The following MRC1 variants were observed in gnomAD, a reference collection of about 807,000 sequenced individuals.
MRC1 encodes macrophage mannose receptor 1.
MRC1 carries 62 observed loss-of-function variants against 102.9 expected under a neutral mutation model. The observed-to-expected ratio is 0.60, with a 90% CI of 0.49 to 0.74. The LOEUF (loss-of-function observed/expected upper bound fraction) is 0.74, where lower values mean the gene tolerates loss of function less well. Among genes scored for constraint, MRC1 ranks in the 30% least tolerant of loss-of-function variants. The pLI is 0.00. For synonymous variants in MRC1, 457 were observed against 298.4 expected (o/e 1.53, Z -5.48); for missense variants, 1,237 against 862.8 (o/e 1.43, Z -5.43).
chr10:17,889,205 A>G (rs1833641170), intron 22 of MRC1, among the ~76,000 whole-genome samples: 1 of 152,120 alleles, frequency 6.6e-6, no homozygotes, highest in South Asian at 2.1e-4. Context: ...GTCTTTGTCT[A>G]TTAATTTGTG....
At chr10:17,815,889 C>T (rs944105181) in intron 1 of MRC1, among the ~76,000 whole-genome samples, 1 of 151,746 alleles carries the variant, frequency 6.6e-6, no homozygotes, top group East Asian at 1.9e-4. Flanking sequence ...TGCAGTGGCA[C>T]GATCTTGGCT....
At chr10:17,856,681 ACCTTC>A (rs1833097829) in intron 9 of MRC1, among the ~76,000 whole-genome samples, 1 of 152,066 alleles carries the variant, frequency 6.6e-6, no homozygotes, top group Non-Finnish European at 1.5e-5. Flanking sequence ...GGTGTCATCC[ACCTTC>A]TATAGTAGAA....
chr10:17,833,648 C>T (rs782140324), intron 3 of MRC1, 27 bp from the exon 4 acceptor site: 1 of 780,866 alleles, frequency 1.3e-6, no homozygotes, highest in South Asian at 1.3e-5. Context: ...GCATAATGAA[C>T]CAAATTCCAT....
rs782441396 is a variant in MRC1, at chr10:17,863,694, G to C, written c.1783+12G>C. On this transcript the variant is annotated intron_variant, in intron 11 of 29. Coordinates refer to ENST00000569591, the MANE Select transcript of MRC1 (RefSeq NM_002438.4). The stretch of plus-strand genomic sequence containing the variant: ...TTCAGATATGCCAGGTACGGGCAGC[G>C]CTTAGGTTGAGGGTTGCTTTCACCC... 6 of 780,542 alleles carry C rather than the reference G, an allele frequency of 7.7e-6. No individual in the cohort carries two copies. Among genetic ancestry groups the C allele is most frequent in the Middle Eastern group, 2.3e-4 (1 of 4,434 alleles). 48.4% of individuals were successfully genotyped at this position (780,542 alleles called of 1,614,324 possible).
At chr10:17,828,116 T>G (rs889697604) in intron 3 of MRC1, among the ~76,000 whole-genome samples, 9 of 152,318 alleles carry the variant, frequency 5.9e-5, no homozygotes, top group Middle Eastern at 3.4e-3. Flanking sequence ...TCGCTGTGTC[T>G]CCCAGGCTGG....
At position 17,852,322 on chromosome 10, in the gene MRC1, A is replaced by C. The variant is rs971169450; in HGVS notation, c.1250-645A>C. ...TTCCTGGCATTTCATGATGAAAATG[A>C]TTACAGATTCATTTGTATATACAGC... On this transcript the variant is annotated intron_variant, in intron 7 of 29. Transcript: ENST00000569591. Among the ~76,000 whole-genome samples the C allele has an allele frequency of 5.1e-4, 78 of 152,300 alleles. No homozygotes were observed. In the South Asian group the frequency reaches 0.016, roughly 30 times the overall value.
Position 17,840,825 on chromosome 10 carries a change from G to C in MRC1, c.916+19G>C, listed in dbSNP as rs782069840. The C allele has an allele frequency of 1.3e-6, 1 of 780,818 alleles. No homozygotes were observed. The highest frequency in any genetic ancestry group is 1.7e-5 in the African/African-American group (1 of 59,262). 48.4% of individuals were successfully genotyped at this position (780,818 alleles called of 1,614,324 possible). A position where few individuals can be genotyped will look rare whatever the true frequency, so the allele number is the denominator to read the frequency against. ...TTACCAGGTAGGGTTAAGCCTGTTTGTGTCGAATTAATCCAAATTTAAGTC... is the reference window on the plus strand; with the variant it reads ...TTACCAGGTAGGGTTAAGCCTGTTTCTGTCGAATTAATCCAAATTTAAGTC... On this transcript the variant is annotated intron_variant, in intron 5 of 29. Coordinates refer to ENST00000569591, the MANE Select transcript of MRC1 (RefSeq NM_002438.4).
At chr10:17,868,384 G>GAAGAGCATA (rs1833308457) in intron 12 of MRC1, among the ~76,000 whole-genome samples, 5,771 of 152,190 alleles carry the variant, frequency 0.038, 378 homozygotes, top group African/African-American at 0.13. Flanking sequence ...TGAGAGTGTA[G>GAAGAGCATA]GAGAAGCTAC....
At chr10:17,875,697 G>A (rs1833426854) in intron 17 of MRC1, among the ~76,000 whole-genome samples, 1 of 152,112 alleles carries the variant, frequency 6.6e-6, no homozygotes, top group Non-Finnish European at 1.5e-5. Context: ...CCATATGTTT[G>A]CAATTGCAAA....
intron 1 of MRC1, among the ~76,000 whole-genome samples, chr10:17,810,790 A>C (rs1271112621): frequency 3.3e-5 from 5 of 152,134 alleles, no homozygotes; most frequent in African/African-American, 9.7e-5. Context: ...GATAGATGAA[A>C]TTAATTTTAT....
At chr10:17,853,147 T>G in intron 8 of MRC1, 23 bp downstream of exon 8, 1 of 779,900 alleles carries the variant, frequency 1.3e-6, no homozygotes, top group South Asian at 1.3e-5. Flanking sequence ...GAATGACTGA[T>G]ATTTATAATG....
chr10:17,837,537 A>G (rs1405788958), intron 4 of MRC1, among the ~76,000 whole-genome samples: 1 of 152,160 alleles, frequency 6.6e-6, no homozygotes, highest in Non-Finnish European at 1.5e-5. Flanking sequence ...AAAACAACCT[A>G]CAAAATATTT....
At chr10:17,853,590 GTGTGTGTGTGTA>G (rs1234684101) in intron 8 of MRC1, among the ~76,000 whole-genome samples, 6 of 137,904 alleles carry the variant, frequency 4.4e-5, no homozygotes, top group Non-Finnish European at 8.0e-5. Flanking sequence ...GTGTGTGTGT[GTGTGTGTGTGTA>G]TATATATATA....
At position 17,818,067 on chromosome 10, in the gene MRC1, TAAAG is replaced by T. The variant is rs1326046480; in HGVS notation, c.62-5006_62-5003del. Among the ~76,000 whole-genome samples the T allele has an allele frequency of 2.6e-3, 394 of 152,234 alleles. 2 individuals are homozygous for T. The highest frequency in any genetic ancestry group is 9.0e-3 in the African/African-American group (376 of 41,552). On this transcript the variant is annotated intron_variant, in intron 1 of 29. Transcript: ENST00000569591. ...CTGCTTCCTAATGGCAAAAGATAAA[TAAAG>T]GAAACAAGAATAGATAAGTGTGTAT...
chr10:17,861,557 G>C, intron 10 of MRC1, 55 bp downstream of exon 10: 3 of 807,482 alleles, frequency 3.7e-6, no homozygotes, highest in Non-Finnish European at 4.5e-6. Flanking sequence ...AAAAGTTTCA[G>C]AAAAGCCCAA....
intron 13 of MRC1, 27 bp from the exon 14 acceptor site, chr10:17,870,821 G>A (rs1278317402): frequency 1.1e-6 from 1 of 871,808 alleles, no homozygotes; most frequent in Non-Finnish European, 2.0e-6. Flanking sequence ...AATAGCATAT[G>A]CTTTCTTTAT....
chr10:17,813,201 TC>T (rs1554837566), intron 1 of MRC1, among the ~76,000 whole-genome samples: 1 of 152,140 alleles, frequency 6.6e-6, no homozygotes, highest in African/African-American at 2.4e-5. Flanking sequence ...CTTTTCCACA[TC>T]CCCTTAGATT....
At chr10:17,908,357 C>A (rs967709776) in intron 28 of MRC1, among the ~76,000 whole-genome samples, 1 of 152,190 alleles carries the variant, frequency 6.6e-6, no homozygotes, top group Non-Finnish European at 1.5e-5. Context: ...TCACTGCAAC[C>A]TCCACCTCCT....
chr10:17,821,269 C>G (rs1257043490), intron 1 of MRC1, among the ~76,000 whole-genome samples: 1 of 151,968 alleles, frequency 6.6e-6, no homozygotes, highest in Non-Finnish European at 1.5e-5. Context: ...GCATTTAATG[C>G]GTAACATCCA....
Sources: allele counts gnomAD v4.1 joint callset (sites outside exome capture counted in the v4.1 genomes callset), GRCh38; gene constraint gnomAD v4.1.1; transcripts MANE v1.5; gene names NCBI Gene and HGNC (gene_info 2026-07-23, HGNC 2026-07-21).